Variants in SIMC1 observed in about 807,000 individuals in gnomAD.
SIMC1 encodes SUMO-interacting motif-containing protein 1.
A neutral mutation model predicts 82.3 loss-of-function variants in SIMC1; 55 were observed. The ratio of observed to expected loss-of-function variants is 0.67; its 90% CI spans 0.54 to 0.84. The LOEUF is 0.84. Ranked by LOEUF, SIMC1 falls within the 40% of genes least tolerant of loss-of-function variation. SIMC1 has a pLI of 0.00. For missense variants in SIMC1, 915 were observed against 1,107.2 expected, an observed-to-expected ratio of 0.83 and a Z score of 2.46; for synonymous variants, 353 against 426.3, an observed-to-expected ratio of 0.83 and a Z score of 2.12.
intron 5 of SIMC1, among the ~76,000 whole-genome samples, chr5:176,320,392 GT>G (rs1765110481): frequency 6.6e-6 from 1 of 150,892 alleles, no homozygotes; most frequent in South Asian, 2.1e-4. Flanking sequence ...TTGAGGCGGA[GT>G]CTCACTCTGG....
intron 4 of SIMC1, among the ~76,000 whole-genome samples, chr5:176,312,074 A>G (rs1418905213): frequency 6.6e-6 from 1 of 152,226 alleles, no homozygotes; most frequent in East Asian, 1.9e-4. Context: ...GCAGAAAGCA[A>G]TAGATAATGT....
chr5:176,305,741 GTCC>G (rs1764323081), intron 4 of SIMC1, among the ~76,000 whole-genome samples: 1 of 66,602 alleles, frequency 1.5e-5, no homozygotes, highest in Non-Finnish European at 3.2e-5. Context: ...CAGCCGCCCC[GTCC>G]GGGAGGGAGG....
chr5:176,322,247 CCTTTT>C (rs1339901863), intron 5 of SIMC1, 21 bp from the exon 6 acceptor site: 1 of 1,532,730 alleles, frequency 6.5e-7, no homozygotes, highest in East Asian at 2.5e-5. Flanking sequence ...AAAGAATAAA[CCTTTT>C]CTTTCTTTTT....
chr5:176,336,828 C>T lies in SIMC1; in HGVS notation c.2280C>T (p.Ala760=). The T allele has an allele frequency of 6.2e-7, 1 of 1,613,970 alleles. No homozygotes were observed. Among genetic ancestry groups the T allele is most frequent in the Non-Finnish European group, 8.5e-7 (1 of 1,179,888 alleles). Residue 760 remains alanine, a synonymous_variant, in exon 8 of 10, where the codon GCC becomes GCT. Transcript: ENST00000429602. ...ETPTRLPLSL[A]QALYFLNNST... ...CCACCCGCCTGCCTCTGTCTCTGGC[C>T]CAGGCCCTCTACTTTCTGAATAATT...
At chr5:176,274,356 GTTT>G (rs1407269471) in intron 1 of SIMC1, among the ~76,000 whole-genome samples, 5 of 150,412 alleles carry the variant, frequency 3.3e-5, no homozygotes, top group Non-Finnish European at 7.4e-5. Flanking sequence ...GGGGTTGTTT[GTTT>G]TTTTCTTGTA....
chr5:176,251,774 GTGATGACTCTTAACGAGCA>G (rs1262504202), intron 1 of SIMC1, among the ~76,000 whole-genome samples: 1 of 150,508 alleles, frequency 6.6e-6, no homozygotes, highest in Non-Finnish European at 1.5e-5. Context: ...TTAGGGAGTG[GTGATGACTCTTAACGAGCA>G]TGCTGCCTTC....
In SIMC1 at chr5:176,271,943, A is replaced by G. The variant is rs1348070459; in HGVS notation, c.130-17711A>G. ...ATATTATATTATAATATATACTATTATATATTATATATTATGTATATAATG... is the reference window on the plus strand; with the variant it reads ...ATATTATATTATAATATATACTATTGTATATTATATATTATGTATATAATG... On this transcript the variant is annotated intron_variant, in intron 1 of 9. Transcript: ENST00000429602. Among the ~76,000 whole-genome samples the G allele has an allele frequency of 5.7e-5, 8 of 139,238 alleles. No individual in the cohort carries two copies. The East Asian group carries it at 1.6e-3, about 27-fold the overall frequency. 91.3% of individuals were successfully genotyped at this position (139,238 alleles called of 152,430 possible).
intron 7 of SIMC1, 45 bp downstream of exon 7, chr5:176,324,802 A>C (rs1765306541): frequency 1.3e-6 from 2 of 1,500,286 alleles, no homozygotes; most frequent in Non-Finnish European, 1.8e-6. Flanking sequence ...TAAAAAAAAA[A>C]CAAAAAAAAC....
rs1162307977 is a variant in SIMC1, at chr5:176,272,172, CAAAAAAAA to C, written c.130-17463_130-17456del. On this transcript the variant is annotated intron_variant, in intron 1 of 9. Coordinates refer to ENST00000429602, the MANE Select transcript of SIMC1 (RefSeq NM_001308195.2). ...AGTCTGTAGTGACATCCCATCTCTACAAAAAAAAAAAAAAAAAAAAAAAAAAGGTGGGC... is the reference window on the plus strand; with the variant it reads ...AGTCTGTAGTGACATCCCATCTCTACAAAAAAAAAAAAAAAAAAGGTGGGC... Among the ~76,000 whole-genome samples the C allele has an allele frequency of 6.3e-3, 126 of 19,970 alleles. 1 individual carries two copies. The highest frequency in any genetic ancestry group is 0.017 in the African/African-American group (120 of 7,126). 13.1% of individuals were successfully genotyped at this position (19,970 alleles called of 152,430 possible). A position where few individuals can be genotyped will look rare whatever the true frequency, so the allele number is the denominator to read the frequency against.
At chr5:176,245,114 C>G (rs1481427147) in intron 1 of SIMC1, among the ~76,000 whole-genome samples, 1 of 152,050 alleles carries the variant, frequency 6.6e-6, no homozygotes, top group African/African-American at 2.4e-5. Flanking sequence ...AAGTTCTAAC[C>G]CCCCACTACC....
At chr5:176,320,701 A>G (rs1193059016) in intron 5 of SIMC1, among the ~76,000 whole-genome samples, 1 of 151,506 alleles carries the variant, frequency 6.6e-6, no homozygotes, top group East Asian at 1.9e-4. Flanking sequence ...CCCCTCTTTC[A>G]ACACTTCAGA....
chr5:176,313,164 A>C, intron 4 of SIMC1: 3 of 602,290 alleles, frequency 5.0e-6, no homozygotes, highest in Non-Finnish European at 6.8e-6. Flanking sequence ...TGGCTCAATC[A>C]GCTCGCATGA....
intron 1 of SIMC1, among the ~76,000 whole-genome samples, chr5:176,256,676 C>T (rs1275009563): frequency 2.0e-5 from 3 of 152,256 alleles, no homozygotes; most frequent in East Asian, 3.9e-4. Context: ...AAACATTCCA[C>T]ATATTAGATT....
intron 2 of SIMC1, among the ~76,000 whole-genome samples, chr5:176,294,627 T>A (rs1000066142): frequency 3.3e-5 from 5 of 151,608 alleles, no homozygotes; most frequent in African/African-American, 1.2e-4. Flanking sequence ...TGGAAAACTT[T>A]GCTATCTTCA....
intron 4 of SIMC1, among the ~76,000 whole-genome samples, chr5:176,309,388 G>A (rs1270377980): frequency 5.3e-5 from 8 of 152,140 alleles, no homozygotes; most frequent in African/African-American, 1.9e-4. Flanking sequence ...AATGTATAAT[G>A]GACTTAAATG....
At chr5:176,305,787 C>T (rs1581283147) in intron 4 of SIMC1, among the ~76,000 whole-genome samples, 1 of 62,954 alleles carries the variant, frequency 1.6e-5, no homozygotes, top group Non-Finnish European at 3.5e-5. Context: ...GGCCAGCCGC[C>T]CCGTCCGGGA....
At chr5:176,244,964 AC>A (rs1214017844) in intron 1 of SIMC1, among the ~76,000 whole-genome samples, 1 of 151,218 alleles carries the variant, frequency 6.6e-6, no homozygotes, top group Non-Finnish European at 1.5e-5. Context: ...CAAGTGATCC[AC>A]CCACCTCGGC....
At chr5:176,257,233 A>ATTCT (rs1157117262) in intron 1 of SIMC1, among the ~76,000 whole-genome samples, 1 of 152,210 alleles carries the variant, frequency 6.6e-6, no homozygotes, top group Non-Finnish European at 1.5e-5. Flanking sequence ...CATTACTGTA[A>ATTCT]AGAAATCCCT....
intron 5 of SIMC1, among the ~76,000 whole-genome samples, chr5:176,318,383 C>T (rs1292893024): frequency 6.6e-6 from 1 of 152,164 alleles, no homozygotes; most frequent in African/African-American, 2.4e-5. Context: ...ATTTTCTTGC[C>T]TCAGTTGGTC....
Sources: allele counts gnomAD v4.1 joint callset (sites outside exome capture counted in the v4.1 genomes callset), GRCh38; gene constraint gnomAD v4.1.1; transcripts MANE v1.5; gene names NCBI Gene and HGNC (gene_info 2026-07-23, HGNC 2026-07-21).